Variants in AGBL2 observed in about 807,000 individuals in gnomAD.
AGBL2 encodes the protein AGBL carboxypeptidase 2, also known as cytosolic carboxypeptidase 2.
A neutral mutation model predicts 103.0 loss-of-function variants in AGBL2; 87 were observed. The ratio of observed to expected loss-of-function variants is 0.84; its 90% confidence interval spans 0.71 to 1.01. AGBL2 has a LOEUF of 1.01. Ranked by LOEUF, AGBL2 falls within the 50% of genes least tolerant of loss-of-function variation. The probability of loss-of-function intolerance (pLI) is 0.00; values close to 1 mark genes in which losing one functional copy is unlikely to be tolerated. For synonymous variants in AGBL2, 335 were observed against 356.7 expected, an observed-to-expected ratio of 0.94 and a Z score of 0.69; for missense variants, 904 against 1,023.5, an observed-to-expected ratio of 0.88 and a Z score of 1.59.
intron 8 of AGBL2, among the ~76,000 whole-genome samples, chr11:47,697,606 C>G (rs560769533): frequency 2.0e-3 from 271 of 138,190 alleles, no homozygotes; most frequent in Middle Eastern, 0.013. Context: ...AGTGCAGTGG[C>G]GCAATCTTGG....
intron 4 of AGBL2, among the ~76,000 whole-genome samples, chr11:47,709,543 A>G (rs2097531046): frequency 6.6e-6 from 1 of 151,726 alleles, no homozygotes; most frequent in African/African-American, 2.4e-5. Flanking sequence ...CTATGCAAAG[A>G]GCCTTAGTAA....
At chr11:47,665,204 T>A (rs1041499394) in intron 17 of AGBL2, among the ~76,000 whole-genome samples, 3 of 151,832 alleles carry the variant, frequency 2.0e-5, no homozygotes, top group African/African-American at 7.3e-5. Flanking sequence ...TACACCACCA[T>A]GCCCAGCTAA....
intron 11 of AGBL2, among the ~76,000 whole-genome samples, chr11:47,683,947 CTT>C (rs2153803802): frequency 7.3e-6 from 1 of 137,020 alleles, no homozygotes; most frequent in East Asian, 2.2e-4. Flanking sequence ...AAAAAAAAAA[CTT>C]AAAAAAATCC....
rs770396156 is a variant in AGBL2 at position 47,690,579 on chromosome 11, A to G, written c.1128T>C (p.Cys376=). Residue 376 remains cysteine, a synonymous_variant, in exon 10 of 19, where the codon TGT becomes TGC. Coordinates refer to ENST00000525123, the MANE Select transcript of AGBL2 (RefSeq NM_024783.4). ...ATGGAAACTGAATGGTCCACGTGAG[A>G]CAGTAGAAGGGCTGCTGCCCATCAT... The part of the protein sequence containing the change: ...NTDDGQQPFY[C]LTWTIQFPYD... 5 of 1,614,148 alleles carry G rather than the reference A, an allele frequency of 3.1e-6. No individual in the cohort carries two copies. The South Asian group carries it at 5.5e-5, about 18-fold the overall frequency.
At chr11:47,695,951 G>C (rs2097468254) in intron 8 of AGBL2, among the ~76,000 whole-genome samples, 1 of 143,858 alleles carries the variant, frequency 7.0e-6, no homozygotes, top group Non-Finnish European at 1.5e-5. Flanking sequence ...GATCACTTGA[G>C]GCCAGAAGTT....
Position 47,700,147 on chromosome 11 carries a change from G to A in AGBL2, c.587-594C>T, listed in dbSNP as rs1020077408. 7.2e-5 allele frequency among the ~76,000 whole-genome samples: 11 copies of A among 152,140 alleles called. No individual in the cohort carries two copies. In the East Asian group the frequency reaches 1.4e-3, roughly 19 times the overall value. ...TAATTTTGTATTTTTAGTAGAGACAGGGTTTCTCCATGTTGGTCAGGCTGG... is the reference window on the plus strand; with the variant it reads ...TAATTTTGTATTTTTAGTAGAGACAAGGTTTCTCCATGTTGGTCAGGCTGG... On this transcript the variant is annotated intron_variant, in intron 7 of 18. Coordinates refer to ENST00000525123, the MANE Select transcript of AGBL2 (RefSeq NM_024783.4).
In AGBL2 at chr11:47,667,024, T is replaced by A; in HGVS notation, c.2380A>T (p.Thr794Ser). The change falls in exon 17 of 19, where the codon ACC (threonine) becomes TCC (serine). Residue 794 changes from threonine to serine, a missense_variant. Coordinates refer to ENST00000525123, the MANE Select transcript of AGBL2 (RefSeq NM_024783.4). ...GFASTLQKQP[T>S]FFKNSENSSF... is the part of the protein sequence containing the mutation. ...GAATTCTCTGAGTTTTTGAAAAAGG[T>A]TGGCTGCTTTTGCAGAGTAGAAGCA... is the stretch of plus-strand genomic sequence containing the variant. The A allele has an allele frequency of 1.2e-6, 2 of 1,613,236 alleles. No individual in the cohort carries two copies. Among genetic ancestry groups the A allele is most frequent in the Non-Finnish European group, 1.7e-6 (2 of 1,179,764 alleles).
chr11:47,698,050 C>CA (rs1486625994), intron 8 of AGBL2, among the ~76,000 whole-genome samples: 2 of 151,522 alleles, frequency 1.3e-5, no homozygotes, highest in African/African-American at 4.9e-5. Flanking sequence ...TTAGTAGAGA[C>CA]AGAGTTTCAC....
intron 8 of AGBL2, among the ~76,000 whole-genome samples, chr11:47,696,802 G>A (rs2097475977): frequency 6.6e-6 from 1 of 151,934 alleles, no homozygotes; most frequent in Non-Finnish European, 1.5e-5. Context: ...GATAATTTGT[G>A]CCTCTTTTCC....
intron 8 of AGBL2, among the ~76,000 whole-genome samples, chr11:47,697,371 T>C (rs958278604): frequency 4.0e-5 from 6 of 151,660 alleles, no homozygotes; most frequent in South Asian, 2.1e-4. Flanking sequence ...CCTGAATAGC[T>C]GTAACTACAG....
intron 13 of AGBL2, among the ~76,000 whole-genome samples, chr11:47,679,069 A>T (rs1472183262): frequency 6.9e-6 from 1 of 144,562 alleles, no homozygotes; most frequent in African/African-American, 2.5e-5. Flanking sequence ...AAAAAAAAAA[A>T]AAAAAAAAAA....
At chr11:47,709,489 A>T (rs1490229155) in intron 4 of AGBL2, among the ~76,000 whole-genome samples, 1 of 152,138 alleles carries the variant, frequency 6.6e-6, no homozygotes, top group East Asian at 1.9e-4. Context: ...TCTGCAAAAA[A>T]TTATTTTTTT....
intron 8 of AGBL2, among the ~76,000 whole-genome samples, chr11:47,694,974 C>T (rs2097461746): frequency 6.6e-6 from 1 of 150,800 alleles, no homozygotes; most frequent in Non-Finnish European, 1.5e-5. Flanking sequence ...CATGGTGAAA[C>T]CCAGTGTCTA....
At chr11:47,679,203 G>A (rs916850734) in intron 13 of AGBL2, among the ~76,000 whole-genome samples, 9 of 151,348 alleles carry the variant, frequency 5.9e-5, no homozygotes, top group African/African-American at 1.7e-4. Flanking sequence ...GGAGGATCAC[G>A]AGCCCAGGAG....
At chr11:47,698,361 AGGGTTTCTCC>A (rs1365593375) in intron 8 of AGBL2, among the ~76,000 whole-genome samples, 1 of 151,444 alleles carries the variant, frequency 6.6e-6, no homozygotes, top group Non-Finnish European at 1.5e-5. Flanking sequence ...CAGTAGAGAT[AGGGTTTCTCC>A]ATGTTGGTCA....
intron 10 of AGBL2, among the ~76,000 whole-genome samples, chr11:47,686,551 C>T (rs1022253407): frequency 7.1e-6 from 1 of 141,360 alleles, no homozygotes; most frequent in African/African-American, 2.7e-5. Context: ...TTGGAGGTGG[C>T]GTCTAGCGAG....
In AGBL2 at chr11:47,705,886, T is replaced by A; in HGVS notation, c.264A>T (p.Arg88Ser). 1 of 1,614,122 alleles carries A rather than the reference T, an allele frequency of 6.2e-7. No individual in the cohort carries two copies. Among genetic ancestry groups the A allele is most frequent in the Non-Finnish European group, 8.5e-7 (1 of 1,180,030 alleles). The change falls in exon 5 of 19, where the codon AGA becomes AGT. Residue 88 changes from arginine (R) to serine (S), a missense_variant. Transcript: ENST00000525123. ...TACCTCTGTTGATGGCTTCTATCTG[T>A]CTGTGCACAGCTGAAGATAAACTGA... ...WPISLSSAVHRQIEAINRDFH... is the reference protein window; with the variant it reads ...WPISLSSAVHSQIEAINRDFH...
At chr11:47,695,098 C>T (rs1039143513) in intron 8 of AGBL2, among the ~76,000 whole-genome samples, 4 of 151,120 alleles carry the variant, frequency 2.6e-5, no homozygotes, top group Non-Finnish European at 5.9e-5. Flanking sequence ...TGCAGTGAGC[C>T]GAGATTGCGC....
chr11:47,669,196 C>A (rs1414021109), intron 14 of AGBL2, among the ~76,000 whole-genome samples: 1 of 152,168 alleles, frequency 6.6e-6, no homozygotes, highest in Non-Finnish European at 1.5e-5. Flanking sequence ...GCCTTCTGAG[C>A]AACTGAGACT....
Sources: gnomAD v4.1 joint callset for allele counts (sites outside exome capture counted in the v4.1 genomes callset) on GRCh38, gnomAD v4.1.1 for gene constraint, MANE v1.5 for transcripts, NCBI Gene and HGNC (gene_info 2026-07-23, HGNC 2026-07-21) for gene names.